The following KLHDC10 variants were observed in gnomAD, a reference collection of about 807,000 sequenced individuals.
KLHDC10 encodes the protein kelch domain-containing protein 10.
Under a neutral mutation model 56.1 loss-of-function variants are expected in KLHDC10, and 24 were observed. The observed-to-expected ratio is 0.43, with a 90% CI of 0.31 to 0.60. The LOEUF is 0.60. Ranked by LOEUF, KLHDC10 falls within the 20% of genes least tolerant of loss-of-function variation. The pLI, the probability that KLHDC10 is intolerant of heterozygous loss-of-function variation, is 0.11. For missense variants in KLHDC10, 349 were observed against 567.0 expected, an observed-to-expected ratio of 0.62 and a Z score of 3.91; for synonymous variants, 188 against 207.1, an observed-to-expected ratio of 0.91 and a Z score of 0.79.
intron 2 of KLHDC10, among the ~76,000 whole-genome samples, chr7:130,106,164 T>TA (rs1563102222): frequency 1.3e-5 from 2 of 148,358 alleles, no homozygotes; most frequent in African/African-American, 5.0e-5. Flanking sequence ...ATAAATAAAA[T>TA]AAATAATAAT....
chr7:130,080,570 T>A (rs112370920), intron 1 of KLHDC10, among the ~76,000 whole-genome samples: 2,678 of 150,448 alleles, frequency 0.018, 76 homozygotes, highest in African/African-American at 0.061. Context: ...TTAAAAAAAA[T>A]TTTTTTTTTG....
intron 1 of KLHDC10, among the ~76,000 whole-genome samples, chr7:130,093,487 A>G (rs905435060): frequency 6.6e-6 from 1 of 152,064 alleles, no homozygotes; most frequent in Non-Finnish European, 1.5e-5. Flanking sequence ...CAGCCTCCCA[A>G]AGTGCTGGGA....
At position 130,125,870 on chromosome 7, in the gene KLHDC10, T is replaced by C. The variant is rs376857852; in HGVS notation, c.870T>C (p.His290=). Residue 290 remains histidine, a synonymous_variant, in exon 7 of 10, where the codon CAT becomes CAC. Transcript: ENST00000335420. ...TGTTCTTTTTTTTCTCCAAGATCCA[T>C]GCATACAACCTTGAAACGAATGCCT... The part of the protein sequence containing the change: ...SWTAYSLNKI[H]AYNLETNAWE... 1.7e-5 allele frequency: 27 copies of C among 1,597,890 alleles called. No individual in the cohort carries two copies. Among genetic ancestry groups the C allele is most frequent in the Non-Finnish European group, 2.1e-5 (25 of 1,175,502 alleles).
At position 130,133,767 on chromosome 7, in the gene KLHDC10, A is replaced by G. The variant is rs1487181892; in HGVS notation, c.*3021A>G. The G allele has an allele frequency of 6.6e-6, 1 of 152,224 alleles. No homozygotes were observed. The highest frequency in any genetic ancestry group is 1.5e-5 in the Non-Finnish European group (1 of 68,044). The allele number at this position is 152,224 out of a possible 1,614,324, so 9.4% of individuals were successfully genotyped here. ...AGTATTTAACACTAACCATTCTCCT[A>G]TGTATATACTAATTTATCTGGGAAT... On this transcript the variant is annotated 3_prime_UTR_variant, in exon 10 of 10. Transcript: ENST00000335420.
chr7:130,107,881 T>TG (rs1277560977), intron 2 of KLHDC10, among the ~76,000 whole-genome samples: 1 of 108,154 alleles, frequency 9.2e-6, no homozygotes, highest in East Asian at 3.4e-4. Flanking sequence ...CCGGACGCGG[T>TG]GGCCCGTACC....
chr7:130,128,542 G>T (rs1029929017), intron 8 of KLHDC10, among the ~76,000 whole-genome samples: 2 of 152,040 alleles, frequency 1.3e-5, no homozygotes, highest in African/African-American at 4.8e-5. Flanking sequence ...TCTTCTCGCC[G>T]AAGAAAGCTT....
chr7:130,122,239 T>C (rs1406245562), intron 5 of KLHDC10, 37 bp downstream of exon 5: 1 of 1,602,674 alleles, frequency 6.2e-7, no homozygotes, highest in Admixed American at 1.7e-5. Flanking sequence ...TATTCTTTCG[T>C]GCTAACATTT....
intron 2 of KLHDC10, among the ~76,000 whole-genome samples, chr7:130,097,880 A>C (rs1795870856): frequency 6.6e-6 from 1 of 152,184 alleles, no homozygotes; most frequent in Non-Finnish European, 1.5e-5. Flanking sequence ...ATACTGAAAA[A>C]AGAAAATCTC....
intron 2 of KLHDC10, among the ~76,000 whole-genome samples, chr7:130,106,041 C>G (rs543672788): frequency 2.0e-5 from 3 of 151,914 alleles, no homozygotes; most frequent in Admixed American, 6.6e-5. Context: ...CCTGGCTACT[C>G]GGGAGACTGA....
Position 130,131,056 on chromosome 7 carries a change from G to T in KLHDC10, c.*310G>T. On this transcript the variant is annotated 3_prime_UTR_variant, in exon 10 of 10. Coordinates refer to ENST00000335420, the MANE Select transcript of KLHDC10 (RefSeq NM_014997.4). ...CTTAATAATGTTATTAATCAAGACA[G>T]ATTCCTTTTTAAAGGAATTCTGAAT... The T allele has an allele frequency of 4.4e-6, 1 of 228,942 alleles. No homozygotes were observed. The highest frequency in any genetic ancestry group is 8.7e-6 in the Non-Finnish European group (1 of 115,304). The allele number at this position is 228,942 out of a possible 1,614,324, so 14.2% of individuals were successfully genotyped here. A position where few individuals can be genotyped will look rare whatever the true frequency, so the allele number is the denominator to read the frequency against.
At chr7:130,111,371 C>A (rs933014049) in intron 2 of KLHDC10, among the ~76,000 whole-genome samples, 23 of 151,996 alleles carry the variant, frequency 1.5e-4, no homozygotes, top group African/African-American at 5.3e-4. Flanking sequence ...ATGCCGTAAA[C>A]AAAAGACAAG....
intron 8 of KLHDC10, among the ~76,000 whole-genome samples, chr7:130,128,889 A>AAAAAAAAAAAAAAAAATATATATAT: frequency 6.0e-5 from 4 of 66,956 alleles, no homozygotes; most frequent in Non-Finnish European, 1.1e-4. Flanking sequence ...AAAAAAAAAA[A>AAAAAAAAAAAAAAAAATATATATAT]ATATATATAT....
intron 1 of KLHDC10, among the ~76,000 whole-genome samples, chr7:130,090,571 G>C (rs560045624): frequency 6.6e-6 from 1 of 150,412 alleles, no homozygotes; most frequent in East Asian, 2.0e-4. Flanking sequence ...CTGGGTGACA[G>C]AGCAAGACTC....
At position 130,134,623 on chromosome 7, in the gene KLHDC10, G is replaced by A. The variant is rs1374184329; in HGVS notation, c.*3877G>A. ...AAGACTGTGTTGGTCTTCGTATTCT[G>A]TAAAACCCATTTTTTTTTTGTGGTC... On this transcript the variant is annotated 3_prime_UTR_variant, in exon 10 of 10. Coordinates refer to ENST00000335420, the MANE Select transcript of KLHDC10 (RefSeq NM_014997.4). 7.3e-6 allele frequency: 1 copy of A among 137,176 alleles called. No individual in the cohort carries two copies. The highest frequency in any genetic ancestry group is 1.7e-5 in the Non-Finnish European group (1 of 59,974). The allele number at this position is 137,176 out of a possible 1,614,324, so 8.5% of individuals were successfully genotyped here.
intron 4 of KLHDC10, among the ~76,000 whole-genome samples, chr7:130,121,365 C>G (rs529546691): frequency 1.3e-3 from 196 of 152,304 alleles, no homozygotes; most frequent in African/African-American, 4.4e-3. Flanking sequence ...TCCAGCGCTT[C>G]AAACCTTAGG....
rs1351214148 is a variant in KLHDC10, at chr7:130,102,732, A to AT, written c.253+5726dup. 2.6e-5 allele frequency among the ~76,000 whole-genome samples: 4 copies of AT among 152,140 alleles called. No homozygotes were observed. In the East Asian group the frequency reaches 7.7e-4, roughly 29 times the overall value. On this transcript the variant is annotated intron_variant, in intron 2 of 9. Coordinates refer to ENST00000335420, the MANE Select transcript of KLHDC10 (RefSeq NM_014997.4). ...TCCTAGCTATTCGTGAGGCTGAGGC[A>AT]TGAGAATCACTTGGACCTGGGAGGC...
Position 130,130,133 on chromosome 7 carries a change from G to A in KLHDC10, c.1120-404G>A, listed in dbSNP as rs555517415. 1.1e-4 allele frequency among the ~76,000 whole-genome samples: 17 copies of A among 151,802 alleles called. No homozygotes were observed. In the East Asian group the frequency reaches 1.6e-3, roughly 14 times the overall value. Reference sequence around the variant, plus strand: ...AGATTGAGACCATCCTGGCTAACACGGATGAAACCCCATCTCTACTAAAAA... The same window carrying A: ...AGATTGAGACCATCCTGGCTAACACAGATGAAACCCCATCTCTACTAAAAA... On this transcript the variant is annotated intron_variant, in intron 9 of 9. Transcript: ENST00000335420. This position sits in a 1 kb window ranked among gnomAD's most constrained non-coding sequence, Gnocchi z 4.2.
intron 2 of KLHDC10, among the ~76,000 whole-genome samples, chr7:130,115,683 CCAGCCTGGGTGA>C (rs1329843094): frequency 2.2e-5 from 3 of 139,138 alleles, no homozygotes; most frequent in African/African-American, 8.3e-5. Flanking sequence ...CCACTGCACT[CCAGCCTGGGTGA>C]CAGAGTGAGA....
intron 6 of KLHDC10, among the ~76,000 whole-genome samples, chr7:130,125,108 C>T (rs557004147): frequency 8.0e-4 from 122 of 152,202 alleles, no homozygotes; most frequent in Non-Finnish European, 1.4e-3. Context: ...CTTACAAACA[C>T]TTGCTTTTTT....
Sources: gnomAD v4.1 joint callset for allele counts (sites outside exome capture counted in the v4.1 genomes callset) on GRCh38, gnomAD v4.1.1 for gene constraint, Gnocchi (gnomAD v3.1) non-coding constraint, MANE v1.5 for transcripts, NCBI Gene and HGNC (gene_info 2026-07-23, HGNC 2026-07-21) for gene names.